PIK3CA: variants seen among roughly 807,000 people sequenced by gnomAD.
The protein encoded by PIK3CA is phosphatidylinositol 4,5-bisphosphate 3-kinase catalytic subunit alpha isoform.
Under a neutral mutation model 138.2 loss-of-function variants are expected in PIK3CA, and 27 were observed. The observed-to-expected ratio is 0.20, with a 90% CI of 0.14 to 0.27. PIK3CA has a LOEUF of 0.27. Among genes scored for constraint, PIK3CA ranks in the 10% least tolerant of loss-of-function variants. PIK3CA has a pLI of 1.00. For missense variants in PIK3CA, 544 were observed against 1,277.4 expected (o/e 0.43, Z 8.75); for synonymous variants, 358 against 413.2 (o/e 0.87, Z 1.62).
In PIK3CA at chr3:179,216,947, C is replaced by T. The variant is rs190230936; in HGVS notation, c.1540-1263C>T. ...CCTTCCACAGAGAAGCCATAATAAT[C>T]TTTATGAAATACAAATCAAATCATG... On this transcript the variant is annotated intron_variant, in intron 9 of 20. Coordinates refer to ENST00000263967, the MANE Select transcript of PIK3CA (RefSeq NM_006218.4). Among the ~76,000 whole-genome samples the T allele has an allele frequency of 4.8e-3, 732 of 152,222 alleles. 7 individuals carry two copies. Among genetic ancestry groups the T allele is most frequent in the African/African-American group, 0.017 (693 of 41,560 alleles).
At position 179,210,219 on chromosome 3, in the gene PIK3CA, T is replaced by C. The variant is rs2108400251; in HGVS notation, c.1285T>C (p.Leu429=). Residue 429 remains leucine (L), a synonymous_variant, in exon 8 of 21, where the codon TTG becomes CTG. Transcript: ENST00000263967. ...HCPLAWGNIN[L]FDYTDTLVSG... is the part of the protein sequence containing the mutation. ...TCCATTGGCATGGGGAAATATAAAC[T>C]TGTTTGATTACACAGACACTCTAGT... The C allele has an allele frequency of 6.3e-7, 1 of 1,592,046 alleles. No homozygotes were observed.
chr3:179,185,438 G>T (rs1364178343), intron 1 of PIK3CA, among the ~76,000 whole-genome samples: 1 of 152,122 alleles, frequency 6.6e-6, no homozygotes, highest in African/African-American at 2.4e-5. Context: ...AAGTATATGG[G>T]GATTTCTCCC....
intron 1 of PIK3CA, among the ~76,000 whole-genome samples, chr3:179,188,811 C>G (rs1446257780): frequency 2.0e-5 from 3 of 152,196 alleles, no homozygotes; most frequent in Non-Finnish European, 4.4e-5. Context: ...TTTGCCTTTT[C>G]TCATAATCCT....
At chr3:179,180,477 T>C (rs560381623) in intron 1 of PIK3CA, among the ~76,000 whole-genome samples, 15 of 152,234 alleles carry the variant, frequency 9.9e-5, no homozygotes, top group African/African-American at 3.6e-4. Flanking sequence ...AATTGCTTAA[T>C]GAATGCTTGT....
chr3:179,152,858 A>T (rs1723047114), intron 1 of PIK3CA, among the ~76,000 whole-genome samples: 1 of 152,156 alleles, frequency 6.6e-6, no homozygotes, highest in Non-Finnish European at 1.5e-5. Context: ...CTGCTTGGGA[A>T]ATAATTATGC....
intron 1 of PIK3CA, among the ~76,000 whole-genome samples, chr3:179,190,322 C>T (rs1724096756): frequency 6.6e-6 from 1 of 151,228 alleles, no homozygotes; most frequent in African/African-American, 2.4e-5. Flanking sequence ...CCCCACCACC[C>T]CCAGCATAAA....
intron 14 of PIK3CA, among the ~76,000 whole-genome samples, chr3:179,223,752 G>A (rs1245390767): frequency 6.6e-6 from 1 of 152,140 alleles, no homozygotes; most frequent in Non-Finnish European, 1.5e-5. Context: ...AATGGGTGTA[G>A]CTATATTCTA....
Position 179,219,149 on chromosome 3 carries a change from G to T in PIK3CA, c.1665-47G>T. ...GAGAAGTTAGACATGTCAACCTTTTGAACAGCATGCAAGAATGTTTATGTT... is the reference window on the plus strand; with the variant it reads ...GAGAAGTTAGACATGTCAACCTTTTTAACAGCATGCAAGAATGTTTATGTT... On this transcript the variant is annotated intron_variant, in intron 10 of 20. Transcript: ENST00000263967. The surrounding 1 kb of genome is among the most constrained non-coding windows in gnomAD (Gnocchi z 4.2). 1.7e-6 allele frequency: 2 copies of T among 1,169,078 alleles called. No individual in the cohort carries two copies. Among genetic ancestry groups the T allele is most frequent in the South Asian group, 2.6e-5 (2 of 78,192 alleles). The allele number at this position is 1,169,078 out of a possible 1,614,324, so 72.4% of individuals were successfully genotyped here.
At position 179,239,890 on chromosome 3, in the gene PIK3CA, G is replaced by GC. The variant is rs556721173; in HGVS notation, c.*5527dup. The GC allele has an allele frequency of 4.7e-5, 31 of 664,338 alleles. No individual in the cohort carries two copies. Among genetic ancestry groups the GC allele is most frequent in the Non-Finnish European group, 7.1e-5 (28 of 395,076 alleles). 41.2% of individuals were successfully genotyped at this position (664,338 alleles called of 1,614,324 possible). A position where few individuals can be genotyped will look rare whatever the true frequency, so the allele number is the denominator to read the frequency against. Reference sequence around the variant, plus strand: ...CAGAAAGCATTTGACACAGCAAGATGCATGTGTTACTATATTGAGAATATA... The same window carrying GC: ...CAGAAAGCATTTGACACAGCAAGATGCCATGTGTTACTATATTGAGAATATA... On this transcript the variant is annotated 3_prime_UTR_variant, in exon 21 of 21. Coordinates refer to ENST00000263967, the MANE Select transcript of PIK3CA (RefSeq NM_006218.4).
intron 2 of PIK3CA, 105 bp from the exon 3 acceptor site, chr3:179,199,585 T>C: frequency 1.3e-6 from 1 of 793,182 alleles, no homozygotes; most frequent in Non-Finnish European, 2.0e-6. Context: ...CTTTTTTTAC[T>C]TTATTGTGAT....
In PIK3CA at chr3:179,212,418, G is replaced by A. The variant is rs545667266; in HGVS notation, c.1539+1853G>A. 1.3e-3 allele frequency among the ~76,000 whole-genome samples: 203 copies of A among 150,586 alleles called. 4 individuals carry two copies. The highest frequency in any genetic ancestry group is 4.4e-3 in the African/African-American group (181 of 41,182). On this transcript the variant is annotated intron_variant, in intron 9 of 20. Transcript: ENST00000263967. ...GAGGTCAGGAGTTCAAGACCAGCCC[G>A]GCCAATATGGTGAAACCCCGTCTCT...
intron 1 of PIK3CA, among the ~76,000 whole-genome samples, chr3:179,170,076 G>GCGCACACGCGCGCGCGCACA (rs1553815527): frequency 2.2e-5 from 3 of 139,210 alleles, no homozygotes; most frequent in Non-Finnish European, 4.6e-5. Flanking sequence ...ACGCGCGCGC[G>GCGCACACGCGCGCGCGCACA]CACACACACA....
chr3:179,180,334 AG>A (rs972404770), intron 1 of PIK3CA, among the ~76,000 whole-genome samples: 2 of 152,130 alleles, frequency 1.3e-5, no homozygotes, highest in African/African-American at 4.8e-5. Flanking sequence ...TCTGCCTTGT[AG>A]ATTGTTAGAT....
intron 9 of PIK3CA, among the ~76,000 whole-genome samples, chr3:179,214,735 A>C (rs1724798260): frequency 1.3e-5 from 2 of 150,748 alleles, no homozygotes; most frequent in Admixed American, 1.3e-4. Flanking sequence ...TGATAAAGCA[A>C]AGCACAATAA....
chr3:179,167,597 CTTTT>C (rs1007089011), intron 1 of PIK3CA, among the ~76,000 whole-genome samples: 2 of 152,106 alleles, frequency 1.3e-5, no homozygotes, highest in African/African-American at 2.4e-5. Context: ...AATCCTCTTT[CTTTT>C]TAACTATAGA....
chr3:179,226,922 T>G (rs112631675), intron 17 of PIK3CA, among the ~76,000 whole-genome samples: 1 of 152,096 alleles, frequency 6.6e-6, no homozygotes, highest in South Asian at 2.1e-4. Flanking sequence ...GTTATATGAA[T>G]CAAATTTCAT....
Position 179,209,621 on chromosome 3 carries a change from T to C in PIK3CA, c.1172T>C (p.Ile391Thr), listed in dbSNP as rs989785573. 3 of 1,609,240 alleles carry C rather than the reference T, an allele frequency of 1.9e-6. No individual in the cohort carries two copies. The highest frequency in any genetic ancestry group is 2.5e-6 in the Non-Finnish European group (3 of 1,177,100). ...PRWNEWLNYD[I>T]YIPDLPRAAR... ...TGGAATGAATGGCTGAATTATGATA[T>C]ATACATTCCTGATCTTCCTCGTGCT... The change falls in exon 7 of 21, where the codon ATA becomes ACA. Residue 391 changes from isoleucine (I) to threonine (T), a missense_variant. Around this residue, in one of 14 missense-constraint regions of PIK3CA, gnomAD observed 234 missense variants for 401.3 expected, o/e 0.58. Coordinates refer to ENST00000263967, the MANE Select transcript of PIK3CA (RefSeq NM_006218.4).
chr3:179,154,338 A>G (rs1723081720), intron 1 of PIK3CA, among the ~76,000 whole-genome samples: 1 of 152,062 alleles, frequency 6.6e-6, no homozygotes, highest in Non-Finnish European at 1.5e-5. Context: ...CAGCAGCGGC[A>G]CTAGATTCTC....
At chr3:179,226,067 TG>T (rs771429735) in intron 17 of PIK3CA, 27 bp downstream of exon 17, 119 of 1,255,168 alleles carry the variant, frequency 9.5e-5, no homozygotes, top group Non-Finnish European at 1.4e-4. Flanking sequence ...GCAACCTGTA[TG>T]TTGAAAGTTA....
Sources: allele counts gnomAD v4.1 joint callset (sites outside exome capture counted in the v4.1 genomes callset), GRCh38; gene constraint gnomAD v4.1.1; regional missense constraint gnomAD v4.1.1; non-coding constraint Gnocchi (gnomAD v3.1); transcripts MANE v1.5; gene names NCBI Gene and HGNC (gene_info 2026-07-23, HGNC 2026-07-21).